C16orf96: variants seen among roughly 807,000 people sequenced by gnomAD.
C16orf96 encodes the protein uncharacterized protein C16orf96.
A neutral mutation model predicts 103.6 loss-of-function variants in C16orf96; 108 were observed. The ratio of observed to expected loss-of-function variants is 1.04; its 90% confidence interval spans 0.89 to 1.22. C16orf96 has a LOEUF of 1.22. Ranked by LOEUF, C16orf96 falls within the 50% of genes most tolerant of loss-of-function variation. The pLI, the probability that C16orf96 is intolerant of heterozygous loss-of-function variation, is 0.00. For synonymous variants in C16orf96, 566 were observed against 593.5 expected, an observed-to-expected ratio of 0.95 and a Z score of 0.67; for missense variants, 1,586 against 1,464.2, an observed-to-expected ratio of 1.08 and a Z score of -1.36.
rs983254132 is a variant in C16orf96 at position 4,593,944 on chromosome 16, C to A, written c.2868-407C>A. Among the ~76,000 whole-genome samples the A allele has an allele frequency of 2.6e-5, 4 of 152,156 alleles. No homozygotes were observed. The highest frequency in any genetic ancestry group is 5.9e-5 in the Non-Finnish European group (4 of 68,026). On this transcript the variant is annotated intron_variant, in intron 12 of 15. Transcript: ENST00000444310. This position sits in a 1 kb window ranked among gnomAD's most constrained non-coding sequence, Gnocchi z 4.2. ...GACATCCCACAGCTCTATGGATCTC[C>A]CCAGCCTCCAACCCTGCTGTGGGGA...
chr16:4,567,166 C>A (rs1255717487), intron 1 of C16orf96, among the ~76,000 whole-genome samples: 1 of 152,030 alleles, frequency 6.6e-6, no homozygotes, highest in African/African-American at 2.4e-5. Context: ...TGTCTAATCA[C>A]CACTTTAGCT....
Position 4,575,588 on chromosome 16 carries a change from C to T in C16orf96, c.1108C>T (p.Leu370Phe), listed in dbSNP as rs1276922659. 1 of 1,519,398 alleles carries T rather than the reference C, an allele frequency of 6.6e-7. No homozygotes were observed. Among genetic ancestry groups the T allele is most frequent in the Non-Finnish European group, 8.8e-7 (1 of 1,133,728 alleles). The allele number at this position is 1,519,398 out of a possible 1,614,324, so 94.1% of individuals were successfully genotyped here. The change falls in exon 5 of 16, where the codon CTT (leucine) becomes TTT (phenylalanine). Residue 370 changes from leucine (L) to phenylalanine (F), a missense_variant. By Grantham distance (22) the Leu-to-Phe change is conservative (BLOSUM62 0). Coordinates refer to ENST00000444310, the MANE Select transcript of C16orf96 (RefSeq NM_001145011.2). ...GTCCTTGCCAGCACCTTGGCCTGTG[C>T]TTGGACCTGTGCCTGCCCCAGGTGC... ...PGSLPAPWPV[L>F]GPVPAPGAQP...
At chr16:4,543,634 A>G in the C16orf96 span, among the ~76,000 whole-genome samples, 1 of 150,182 alleles carries the variant, frequency 6.7e-6, no homozygotes, top group East Asian at 2.0e-4. Context: ...CATGATCCGT[A>G]TTTTATTTAT....
chr16:4,588,437 G>A, intron 9 of C16orf96, 106 bp downstream of exon 9: 3 of 1,315,268 alleles, frequency 2.3e-6, no homozygotes, highest in Non-Finnish European at 3.1e-6. Context: ...AAGAATTTGG[G>A]AGTGACCCAG....
chr16:4,569,083 C>G (rs903285206), intron 1 of C16orf96, among the ~76,000 whole-genome samples: 25 of 152,178 alleles, frequency 1.6e-4, no homozygotes, highest in African/African-American at 6.0e-4. Flanking sequence ...GATCCTCTCA[C>G]CTCTGCCTCC....
rs867714412 is a variant in C16orf96, at chr16:4,600,446, A to T, written c.*129A>T. ...GAGGCCTATGTGGCCCCCCACCCCC[A>T]CCCCCACCAAGTCCCCTCCATGTCC... On this transcript the variant is annotated 3_prime_UTR_variant, in exon 16 of 16. Transcript: ENST00000444310. 1 of 354,924 alleles carries T rather than the reference A, an allele frequency of 2.8e-6. No homozygotes were observed. Among genetic ancestry groups the T allele is most frequent in the African/African-American group, 5.0e-5 (1 of 19,896 alleles). The allele number at this position is 354,924 out of a possible 1,614,324, so 22.0% of individuals were successfully genotyped here.
chr16:4,581,127 AATATATATGTATACATATATAT>A (rs2059580204), intron 7 of C16orf96, among the ~76,000 whole-genome samples: 1 of 106,296 alleles, frequency 9.4e-6, no homozygotes, highest in Non-Finnish European at 1.9e-5. Flanking sequence ...TCTGTCTAAA[AATATATATGTATACATATATAT>A]ATATATATAT....
upstream of C16orf96, among the ~76,000 whole-genome samples, chr16:4,553,538 G>A (rs569549328): frequency 5.9e-5 from 9 of 152,164 alleles, no homozygotes; most frequent in African/African-American, 1.7e-4. Context: ...GGGTTTCACC[G>A]TGTTGTGCAG....
At chr16:4,590,848 A>C (rs1283499541) in intron 9 of C16orf96, among the ~76,000 whole-genome samples, 1 of 147,454 alleles carries the variant, frequency 6.8e-6, no homozygotes, top group African/African-American at 2.5e-5. Context: ...GTGAAACCCC[A>C]TGTCTACTAA....
rs1457614086 is a variant in C16orf96, at chr16:4,595,532, G to A, written c.3127+729G>A. ...TCACTGGGTTCGAAGGACAAAAAGA[G>A]GAGCCTTCTCTGCACACCCCTTGAA... On this transcript the variant is annotated intron_variant, in intron 14 of 15. Coordinates refer to ENST00000444310, the MANE Select transcript of C16orf96 (RefSeq NM_001145011.2). 5.3e-5 allele frequency among the ~76,000 whole-genome samples: 8 copies of A among 152,316 alleles called. 1 individual carries two copies. In the South Asian group the frequency reaches 1.0e-3, roughly 20 times the overall value.
At chr16:4,586,637 C>T (rs1896934148) in intron 7 of C16orf96, among the ~76,000 whole-genome samples, 1 of 152,164 alleles carries the variant, frequency 6.6e-6, no homozygotes, top group Non-Finnish European at 1.5e-5. Context: ...CGCTTGAGCA[C>T]AGTGTGTGTG....
At chr16:4,580,660 A>G (rs2059573875) in intron 7 of C16orf96, among the ~76,000 whole-genome samples, 1 of 151,776 alleles carries the variant, frequency 6.6e-6, no homozygotes, top group Non-Finnish European at 1.5e-5. Context: ...AAGCCAGGGT[A>G]ACACAGGGAG....
chr16:4,545,441 C>T, the C16orf96 span, among the ~76,000 whole-genome samples: 1 of 152,198 alleles, frequency 6.6e-6, no homozygotes, highest in Non-Finnish European at 1.5e-5. Context: ...ATCCTTGTGG[C>T]CTGGCCTCCC....
the C16orf96 span, among the ~76,000 whole-genome samples, chr16:4,549,498 C>CCAGAATA: frequency 6.8e-6 from 1 of 148,074 alleles, no homozygotes; most frequent in Non-Finnish European, 1.5e-5. Flanking sequence ...AAACAACCAA[C>CCAGAATA]CAGAATACCA....
chr16:4,573,700 C>T (rs767610118), intron 2 of C16orf96, among the ~76,000 whole-genome samples: 5 of 141,908 alleles, frequency 3.5e-5, no homozygotes, highest in Admixed American at 7.2e-5. Flanking sequence ...TGCAGTGAGC[C>T]GAGATCACAC....
chr16:4,562,110 G>A (rs1479395266), intron 1 of C16orf96, among the ~76,000 whole-genome samples: 1 of 152,142 alleles, frequency 6.6e-6, no homozygotes, highest in Non-Finnish European at 1.5e-5. Context: ...CATTAATCCT[G>A]TAGCTTCATC....
chr16:4,543,056 C>T, the C16orf96 span, among the ~76,000 whole-genome samples: 11 of 152,270 alleles, frequency 7.2e-5, 1 homozygote, highest in South Asian at 2.1e-3. Context: ...GTCCTCAAAG[C>T]GCACACAGTC....
At chr16:4,538,700 A>T in the C16orf96 span, 1 of 152,144 alleles carries the variant, frequency 6.6e-6, no homozygotes, top group African/African-American at 2.4e-5. Flanking sequence ...CAGTCGACTC[A>T]CCGTCCCCGC....
intron 14 of C16orf96, among the ~76,000 whole-genome samples, chr16:4,598,215 A>T (rs1454470780): frequency 6.6e-6 from 1 of 151,998 alleles, no homozygotes; most frequent in African/African-American, 2.4e-5. Flanking sequence ...AGCAGGGCAT[A>T]GTGAGGCTCC....
Sources: allele counts gnomAD v4.1 joint callset (sites outside exome capture counted in the v4.1 genomes callset), GRCh38; gene constraint gnomAD v4.1.1; non-coding constraint Gnocchi (gnomAD v3.1); transcripts MANE v1.5; gene names NCBI Gene and HGNC (gene_info 2026-07-23, HGNC 2026-07-21).